The following ATP6V0E1 variants were observed in gnomAD, a reference collection of about 807,000 sequenced individuals.
ATP6V0E1 encodes the protein ATPase H+ transporting V0 subunit e1.
Under a neutral mutation model 11.6 loss-of-function variants are expected in ATP6V0E1, and 4 were observed. That is an observed-to-expected ratio of 0.35 (90% CI 0.17 to 0.79). The LOEUF is 0.79. Ranked by LOEUF, ATP6V0E1 falls within the 30% of genes least tolerant of loss-of-function variation. The pLI, the probability that ATP6V0E1 is intolerant of heterozygous loss-of-function variation, is 0.54. For synonymous variants in ATP6V0E1, 36 were observed against 34.8 expected (o/e 1.04, Z -0.13); for missense variants, 105 against 100.0 (o/e 1.05, Z -0.21).
At chr5:173,025,023 A>G (rs1430168230) in intron 3 of ATP6V0E1, among the ~76,000 whole-genome samples, 1 of 149,966 alleles carries the variant, frequency 6.7e-6, no homozygotes, top group Non-Finnish European at 1.5e-5. Flanking sequence ...TTGTGTTTTT[A>G]GTAGAGACGG....
chr5:172,994,996 A>T (rs17075485), intron 2 of ATP6V0E1, among the ~76,000 whole-genome samples, 174 bp downstream of exon 2: 3 of 152,206 alleles, frequency 2.0e-5, no homozygotes, highest in Non-Finnish European at 4.4e-5. Flanking sequence ...CAGATACTCT[A>T]TCCTTCTGGG....
chr5:173,028,492 A>G (rs1197104408), intron 3 of ATP6V0E1, among the ~76,000 whole-genome samples: 1 of 152,238 alleles, frequency 6.6e-6, no homozygotes, highest in African/African-American at 2.4e-5. Flanking sequence ...TTTGGAAAGT[A>G]GGTGTAAGCC....
At chr5:173,007,129 A>G (rs1160820735) in intron 2 of ATP6V0E1, among the ~76,000 whole-genome samples, 1 of 152,088 alleles carries the variant, frequency 6.6e-6, no homozygotes, top group Non-Finnish European at 1.5e-5. Context: ...GTTAATGGAA[A>G]ACATGTTTAT....
At chr5:172,990,897 G>T (rs189817277) in intron 1 of ATP6V0E1, among the ~76,000 whole-genome samples, 1 of 151,758 alleles carries the variant, frequency 6.6e-6, no homozygotes, top group East Asian at 1.9e-4. Context: ...TAAACACCTG[G>T]CCTCAGCCTC....
At chr5:172,985,283 A>G (rs1196390545) in intron 1 of ATP6V0E1, among the ~76,000 whole-genome samples, 1 of 151,588 alleles carries the variant, frequency 6.6e-6, no homozygotes, top group Non-Finnish European at 1.5e-5. Context: ...GATTTTTACT[A>G]CTTCCCTAAT....
At chr5:172,999,536 A>AG (rs892474352) in intron 2 of ATP6V0E1, among the ~76,000 whole-genome samples, 55 of 152,326 alleles carry the variant, frequency 3.6e-4, no homozygotes, top group African/African-American at 1.2e-3. Flanking sequence ...TTTGTTGCCC[A>AG]GGCTAGTCTT....
intron 2 of ATP6V0E1, among the ~76,000 whole-genome samples, chr5:173,009,095 A>G (rs933613074): frequency 4.0e-5 from 6 of 149,814 alleles, no homozygotes; most frequent in Middle Eastern, 3.5e-3. Context: ...GCATGGTGGC[A>G]TGTACCTGTA....
chr5:173,026,471 A>G (rs555536045), intron 3 of ATP6V0E1, among the ~76,000 whole-genome samples: 2 of 152,362 alleles, frequency 1.3e-5, no homozygotes, highest in African/African-American at 2.4e-5. Flanking sequence ...AGAGAAATCT[A>G]TCCTTTCACT....
intron 2 of ATP6V0E1, among the ~76,000 whole-genome samples, chr5:173,006,954 GTT>G (rs550361305): frequency 1.3e-3 from 194 of 152,190 alleles, no homozygotes; most frequent in African/African-American, 4.5e-3. Flanking sequence ...CTTTATAATT[GTT>G]TCCTTTATAA....
chr5:172,994,874 T>C, intron 2 of ATP6V0E1, 52 bp downstream of exon 2: 1 of 1,413,446 alleles, frequency 7.1e-7, no homozygotes, highest in Non-Finnish European at 9.7e-7. Context: ...GTGTGTGCGA[T>C]TTACACATTT....
In ATP6V0E1 at chr5:172,992,679, C is replaced by T. The variant is rs140704629; in HGVS notation, c.105-2096C>T. On this transcript the variant is annotated intron_variant, in intron 1 of 3. Transcript: ENST00000519374. ...TTCCTGTCTTATTTTCCTCCATCAG[C>T]ACTTACTGACCATCTGGCATATATA... Among the ~76,000 whole-genome samples the T allele has an allele frequency of 4.6e-3, 707 of 152,274 alleles. 2 individuals carry two copies. The highest frequency in any genetic ancestry group is 4.4e-3 in the Non-Finnish European group (298 of 68,022).
chr5:172,998,869 G>A (rs1435461837), intron 2 of ATP6V0E1, among the ~76,000 whole-genome samples: 3 of 152,102 alleles, frequency 2.0e-5, no homozygotes, highest in Non-Finnish European at 4.4e-5. Context: ...GGCCGGGCGT[G>A]TTGGCTTATG....
chr5:173,034,677 G>C lies in ATP6V0E1; in HGVS notation c.*315G>C. 1 of 514,440 alleles carries C rather than the reference G, an allele frequency of 1.9e-6. No homozygotes were observed. Among genetic ancestry groups the C allele is most frequent in the East Asian group, 3.1e-5 (1 of 32,238 alleles). The allele number at this position is 514,440 out of a possible 1,614,324, so 31.9% of individuals were successfully genotyped here. A position where few individuals can be genotyped will look rare whatever the true frequency, so the allele number is the denominator to read the frequency against. On this transcript the variant is annotated 3_prime_UTR_variant, in exon 4 of 4. Coordinates refer to ENST00000519374, the MANE Select transcript of ATP6V0E1 (RefSeq NM_003945.4). ...ATACGTTACTCTCTCCTTGGAATCT[G>C]TGGATTTGAAGATGGCTCCTGCCTT...
chr5:173,004,721 G>A (rs1476267973), intron 2 of ATP6V0E1, among the ~76,000 whole-genome samples: 1 of 152,158 alleles, frequency 6.6e-6, no homozygotes, highest in Non-Finnish European at 1.5e-5. Flanking sequence ...GTTATTAGGC[G>A]AGAACTGGGA....
At chr5:173,010,796 C>T (rs776176751) in intron 2 of ATP6V0E1, among the ~76,000 whole-genome samples, 8 of 152,212 alleles carry the variant, frequency 5.3e-5, no homozygotes, top group Non-Finnish European at 1.0e-4. Context: ...GAAGCTGAGA[C>T]TGCTCCATCT....
At chr5:172,987,875 G>A (rs1755920145) in intron 1 of ATP6V0E1, among the ~76,000 whole-genome samples, 1 of 151,948 alleles carries the variant, frequency 6.6e-6, no homozygotes, top group Admixed American at 6.6e-5. Flanking sequence ...ACTACACCCA[G>A]CTAATTCGTT....
At chr5:172,999,313 G>A (rs1445936709) in intron 2 of ATP6V0E1, among the ~76,000 whole-genome samples, 1 of 151,712 alleles carries the variant, frequency 6.6e-6, no homozygotes, top group Non-Finnish European at 1.5e-5. Context: ...CTCATGTCTT[G>A]TATTTCCACT....
At chr5:173,012,971 G>A (rs535422603) in intron 2 of ATP6V0E1, among the ~76,000 whole-genome samples, 4 of 151,930 alleles carry the variant, frequency 2.6e-5, no homozygotes, top group South Asian at 4.2e-4. Context: ...CCAGGAATTC[G>A]AGACCAGCTT....
chr5:173,000,973 T>C (rs1300611608), intron 2 of ATP6V0E1, among the ~76,000 whole-genome samples: 2 of 152,192 alleles, frequency 1.3e-5, no homozygotes. Flanking sequence ...AGTGCTGGGA[T>C]TACAGGTGTG....
Sources: gnomAD v4.1 joint callset for allele counts (sites outside exome capture counted in the v4.1 genomes callset) on GRCh38, gnomAD v4.1.1 for gene constraint, MANE v1.5 for transcripts, NCBI Gene and HGNC (gene_info 2026-07-23, HGNC 2026-07-21) for gene names.